Variants in AFF3 observed in about 807,000 individuals in gnomAD.
AFF3 encodes the protein AF4/FMR2 family member 3.
A neutral mutation model predicts 129.7 loss-of-function variants in AFF3; 32 were observed. That is an observed-to-expected ratio of 0.25 (90% CI 0.19 to 0.33). The LOEUF (loss-of-function observed/expected upper bound fraction) is 0.33, where lower values mean the gene tolerates loss of function less well. Ranked by LOEUF, AFF3 falls within the 10% of genes least tolerant of loss-of-function variation. The probability of loss-of-function intolerance (pLI) is 1.00; values close to 1 mark genes in which losing one functional copy is unlikely to be tolerated. For synonymous variants in AFF3, 644 were observed against 635.4 expected (o/e 1.01, Z -0.20); for missense variants, 1,373 against 1,592.0 (o/e 0.86, Z 2.34).
rs185473003 is a variant in AFF3 at position 99,727,158 on chromosome 2, C to T, written c.1040-30G>A. On this transcript the variant is annotated intron_variant, in intron 10 of 24. Coordinates refer to ENST00000672756, the MANE Select transcript of AFF3 (RefSeq NM_001386135.1). ...AAAAGGAAGCAGAAAAAAATACCGACATATGAGTCTTACAGTCTTTAAGAT... is the reference window on the plus strand; with the variant it reads ...AAAAGGAAGCAGAAAAAAATACCGATATATGAGTCTTACAGTCTTTAAGAT... 9.1e-4 allele frequency: 1,440 copies of T among 1,590,990 alleles called. 2 individuals are homozygous for T. The highest frequency in any genetic ancestry group is 8.9e-4 in the Non-Finnish European group (1,032 of 1,164,284).
intron 8 of AFF3, among the ~76,000 whole-genome samples, chr2:99,787,323 A>C (rs186864604): frequency 9.0e-4 from 137 of 152,146 alleles, no homozygotes; most frequent in African/African-American, 3.1e-3. Flanking sequence ...AACAAGCAGA[A>C]ATGGTCAAGG....
chr2:99,601,705 C>T, intron 13 of AFF3, 84 bp from the exon 14 acceptor site: 6 of 1,477,234 alleles, frequency 4.1e-6, no homozygotes, highest in Non-Finnish European at 5.4e-6. Context: ...CTGTCATGCA[C>T]CCTAAAGAGG....
At chr2:99,723,451 G>A (rs1216701880) in intron 11 of AFF3, among the ~76,000 whole-genome samples, 2 of 152,162 alleles carry the variant, frequency 1.3e-5, no homozygotes, top group Non-Finnish European at 2.9e-5. Context: ...TACAGACAGA[G>A]GGATGTATAG....
At position 99,839,889 on chromosome 2, in the gene AFF3, C is replaced by T. The variant is rs185114354; in HGVS notation, c.874-2365G>A. ...CCTCCCAAAGTGCTGGGATTACAGG[C>T]GTGAGCCACCAGATCTGCATTTTCT... On this transcript the variant is annotated intron_variant, in intron 7 of 24. Transcript: ENST00000672756. Among the ~76,000 whole-genome samples the T allele has an allele frequency of 4.6e-5, 7 of 152,302 alleles. No individual in the cohort carries two copies. The East Asian group carries it at 7.7e-4, about 17-fold the overall frequency.
chr2:99,841,973 C>T (rs755546813), intron 7 of AFF3, among the ~76,000 whole-genome samples: 4 of 152,138 alleles, frequency 2.6e-5, no homozygotes, highest in Non-Finnish European at 5.9e-5. Context: ...CATTACTCAG[C>T]GCTTGATCAT....
chr2:99,749,191 T>C (rs1323491342), intron 9 of AFF3, among the ~76,000 whole-genome samples: 1 of 152,244 alleles, frequency 6.6e-6, no homozygotes. Context: ...ACTTGGTAAC[T>C]ATTGATATAT....
intron 7 of AFF3, among the ~76,000 whole-genome samples, chr2:99,857,068 C>A (rs186135631): frequency 1.9e-4 from 29 of 152,168 alleles, no homozygotes; most frequent in African/African-American, 7.0e-4. Context: ...TAATTTTTAT[C>A]TTTACTTTTT....
chr2:99,608,714 A>G (rs1680619848), intron 13 of AFF3, among the ~76,000 whole-genome samples: 1 of 152,192 alleles, frequency 6.6e-6, no homozygotes, highest in African/African-American at 2.4e-5. Context: ...ACCTGGAAAC[A>G]AGAGCTCATT....
intron 4 of AFF3, among the ~76,000 whole-genome samples, chr2:100,074,240 C>T (rs570987150): frequency 1.3e-5 from 2 of 152,194 alleles, no homozygotes; most frequent in East Asian, 1.9e-4. Flanking sequence ...TTTCCCACTT[C>T]CTGAGCTCCT....
intron 4 of AFF3, among the ~76,000 whole-genome samples, chr2:100,061,857 A>AGG (rs11370065): frequency 0.047 from 4,570 of 96,854 alleles, 217 homozygotes; most frequent in Middle Eastern, 0.13. Flanking sequence ...AGCACAGTGG[A>AGG]GGGGGGGGGG....
chr2:100,028,922 T>C (rs1684262519), intron 4 of AFF3, among the ~76,000 whole-genome samples: 2 of 152,046 alleles, frequency 1.3e-5, no homozygotes, highest in Non-Finnish European at 2.9e-5. Flanking sequence ...TGGGTATATA[T>C]CCAAAAGAAC....
chr2:99,848,844 T>C (rs747431268), intron 7 of AFF3, among the ~76,000 whole-genome samples: 3 of 152,154 alleles, frequency 2.0e-5, no homozygotes, highest in African/African-American at 4.8e-5. Flanking sequence ...TATGCTTAAT[T>C]ATGGACTTGA....
intron 17 of AFF3, 57 bp from the exon 18 acceptor site, chr2:99,578,508 C>T: frequency 1.2e-6 from 2 of 1,601,450 alleles, no homozygotes; most frequent in Non-Finnish European, 1.7e-6. Flanking sequence ...AAGCGAGCAG[C>T]CCATCACATA....
In AFF3 at chr2:99,876,373, G is replaced by A. The variant is rs373901396; in HGVS notation, c.874-38849C>T. On this transcript the variant is annotated intron_variant, in intron 7 of 24. Transcript: ENST00000672756. ...AACTTCTCCTTTTTCCATCCTTCCCGCCTCAGGGAACATCCACCTTATAAA... is the reference window on the plus strand; with the variant it reads ...AACTTCTCCTTTTTCCATCCTTCCCACCTCAGGGAACATCCACCTTATAAA... Among the ~76,000 whole-genome samples the A allele has an allele frequency of 1.3e-4, 20 of 152,078 alleles. No homozygotes were observed. In the East Asian group the frequency reaches 1.7e-3, roughly 13 times the overall value.
At chr2:99,574,447 C>T (rs533933069) in intron 18 of AFF3, among the ~76,000 whole-genome samples, 10 of 152,178 alleles carry the variant, frequency 6.6e-5, no homozygotes, top group Non-Finnish European at 1.3e-4. Context: ...TGCTAACACG[C>T]CCGGCTGATT....
intron 13 of AFF3, among the ~76,000 whole-genome samples, chr2:99,617,352 T>C (rs1323606486): frequency 1.3e-5 from 2 of 152,342 alleles, no homozygotes; most frequent in African/African-American, 2.4e-5. Context: ...CCCATCATAG[T>C]GGGCGTGAAG....
intron 7 of AFF3, among the ~76,000 whole-genome samples, chr2:99,959,060 G>A (rs1676952840): frequency 6.6e-6 from 1 of 152,024 alleles, no homozygotes; most frequent in Non-Finnish European, 1.5e-5. Flanking sequence ...TTGCACCACT[G>A]CACTCCAGTC....
At position 99,894,635 on chromosome 2, in the gene AFF3, AT is replaced by A. The variant is rs1270470875; in HGVS notation, c.874-57112del. Among the ~76,000 whole-genome samples the A allele has an allele frequency of 2.9e-3, 419 of 144,420 alleles. 1 individual carries two copies. The highest frequency in any genetic ancestry group is 4.6e-3 in the African/African-American group (181 of 39,694). The allele number at this position is 144,420 out of a possible 152,430, so 94.7% of individuals were successfully genotyped here. On this transcript the variant is annotated intron_variant, in intron 7 of 24. Transcript: ENST00000672756. ...AGGCGCCCGCCACCACGCCCGGCTA[AT>A]TTTTTTTTTTTTGTATTTTTAGTAA...
chr2:100,128,988 C>G (rs983367691), intron 2 of AFF3, among the ~76,000 whole-genome samples: 6 of 152,062 alleles, frequency 3.9e-5, no homozygotes, highest in African/African-American at 1.4e-4. Context: ...TCAGGGGGCT[C>G]CAGAGCATCT....
Sources: gnomAD v4.1 joint callset for allele counts (sites outside exome capture counted in the v4.1 genomes callset) on GRCh38, gnomAD v4.1.1 for gene constraint, MANE v1.5 for transcripts, NCBI Gene and HGNC (gene_info 2026-07-23, HGNC 2026-07-21) for gene names.